Variants in DOCK9 observed in about 807,000 individuals in gnomAD.
DOCK9 encodes dedicator of cytokinesis 9.
In DOCK9, 89 loss-of-function variants were observed where a neutral mutation model predicts 263.3. The ratio of observed to expected loss-of-function variants is 0.34; its 90% CI spans 0.28 to 0.40. The LOEUF is 0.40. Ranked by LOEUF, DOCK9 falls within the 10% of genes least tolerant of loss-of-function variation. DOCK9 has a pLI of 1.00. For missense variants in DOCK9, 2,140 were observed against 2,603.4 expected, an observed-to-expected ratio of 0.82 and a Z score of 3.87; for synonymous variants, 976 against 973.1, an observed-to-expected ratio of 1.00 and a Z score of -0.06.
intron 49 of DOCK9, among the ~76,000 whole-genome samples, chr13:98,801,913 G>A (rs1230388113): frequency 6.6e-6 from 1 of 152,234 alleles, no homozygotes; most frequent in Non-Finnish European, 1.5e-5. Context: ...TTATAGGCCT[G>A]TTGCCTTTTC....
chr13:99,017,263 T>C (rs1885535400), intron 1 of DOCK9, among the ~76,000 whole-genome samples: 1 of 152,156 alleles, frequency 6.6e-6, no homozygotes, highest in South Asian at 2.1e-4. Flanking sequence ...GATAAACAAC[T>C]AGAAACTCAC....
intron 1 of DOCK9, among the ~76,000 whole-genome samples, chr13:99,017,301 A>G (rs1371827505): frequency 1.3e-5 from 2 of 152,382 alleles, no homozygotes; most frequent in East Asian, 3.9e-4. Context: ...ATTGGAGACT[A>G]TAAAACACTA....
At chr13:99,071,306 C>CCTTT (rs1286343497) in intron 1 of DOCK9, among the ~76,000 whole-genome samples, 5 of 49,330 alleles carry the variant, frequency 1.0e-4, no homozygotes, top group Admixed American at 8.2e-4. Flanking sequence ...CCATGCCTGG[C>CCTTT]TTTTTTTTTT....
chr13:99,049,382 G>A (rs772643790), intron 1 of DOCK9, among the ~76,000 whole-genome samples: 76 of 152,050 alleles, frequency 5.0e-4, no homozygotes, highest in Non-Finnish European at 5.9e-4. Flanking sequence ...ATGGAGTAAG[G>A]ACATCTTAGA....
At chr13:99,031,023 A>T (rs576448328) in intron 1 of DOCK9, among the ~76,000 whole-genome samples, 1 of 152,322 alleles carries the variant, frequency 6.6e-6, no homozygotes, top group South Asian at 2.1e-4. Flanking sequence ...ATATTTTAAG[A>T]AGATTTTTCT....
At chr13:99,046,211 G>T (rs905126834) in intron 1 of DOCK9, among the ~76,000 whole-genome samples, 2 of 152,190 alleles carry the variant, frequency 1.3e-5, no homozygotes, top group African/African-American at 4.8e-5. Context: ...CTGAGCCCAG[G>T]CTCAGCACGG....
At chr13:99,078,464 G>A (rs1216471050) in intron 1 of DOCK9, among the ~76,000 whole-genome samples, 2 of 152,196 alleles carry the variant, frequency 1.3e-5, no homozygotes, top group Admixed American at 6.5e-5. Flanking sequence ...TATGGGGTGA[G>A]CCCTGAGAGG....
chr13:98,982,434 T>C (rs913782798), upstream of DOCK9, among the ~76,000 whole-genome samples: 7 of 152,218 alleles, frequency 4.6e-5, no homozygotes, highest in Non-Finnish European at 1.0e-4. Flanking sequence ...CCAGAATGAA[T>C]TGGCTCCTTC....
intron 1 of DOCK9, among the ~76,000 whole-genome samples, chr13:98,992,262 C>T (rs973993677): frequency 6.6e-6 from 1 of 152,108 alleles, no homozygotes; most frequent in African/African-American, 2.4e-5. Context: ...ATGTCAGGAT[C>T]ATTTAGAGAG....
Position 98,853,458 on chromosome 13 carries a change from A to G in DOCK9, c.3896T>C (p.Ile1299Thr). 6.2e-7 allele frequency: 1 copy of G among 1,613,832 alleles called. No homozygotes were observed. The highest frequency in any genetic ancestry group is 8.5e-7 in the Non-Finnish European group (1 of 1,179,828). Reference sequence around the variant, plus strand: ...GAGGAAACACATCAGTAGGCTCTTAATCTCAGACTGGTCAAGTTTATCACA... The same window carrying G: ...GAGGAAACACATCAGTAGGCTCTTAGTCTCAGACTGGTCAAGTTTATCACA... ...VRCDKLDQSE[I>T]KSLLMCFLYI... The change falls in exon 35 of 53, where the codon ATT becomes ACT. Residue 1299 changes from isoleucine to threonine, a missense_variant. Physicochemically the swap from Ile to Thr is moderately conservative, Grantham distance 89. Transcript: ENST00000682017.
chr13:98,989,500 C>T (rs1879320473), intron 1 of DOCK9, among the ~76,000 whole-genome samples: 1 of 152,070 alleles, frequency 6.6e-6, no homozygotes, highest in African/African-American at 2.4e-5. Flanking sequence ...TTTACCCACC[C>T]ATGTTTCGGA....
chr13:99,050,622 G>A (rs1322630158), intron 1 of DOCK9, among the ~76,000 whole-genome samples: 1 of 152,176 alleles, frequency 6.6e-6, no homozygotes, highest in African/African-American at 2.4e-5. Flanking sequence ...GAATGCTGGA[G>A]GGGGAGGTTG....
At chr13:99,011,670 T>C (rs767037882) in intron 1 of DOCK9, among the ~76,000 whole-genome samples, 124 of 152,332 alleles carry the variant, frequency 8.1e-4, no homozygotes, top group Non-Finnish European at 1.1e-3. Flanking sequence ...AATAGCCCTA[T>C]GAGGCAAGTA....
chr13:98,981,402 T>C (rs1877169004), upstream of DOCK9, among the ~76,000 whole-genome samples: 2 of 152,178 alleles, frequency 1.3e-5, no homozygotes, highest in African/African-American at 4.8e-5. Context: ...CAGATTTATG[T>C]AAAGGGGGAC....
intron 52 of DOCK9, chr13:98,796,072 A>G: frequency 1.5e-6 from 1 of 648,038 alleles, no homozygotes; most frequent in Admixed American, 2.6e-5. Flanking sequence ...ACTTTTTAAA[A>G]TGTCCAGAAG....
chr13:99,058,558 C>T (rs905274202), intron 1 of DOCK9, among the ~76,000 whole-genome samples: 1 of 152,118 alleles, frequency 6.6e-6, no homozygotes, highest in African/African-American at 2.4e-5. Context: ...GGTCCCAGGA[C>T]CCCCTGCCCT....
Position 98,884,981 on chromosome 13 carries a change from C to G in DOCK9, c.2372G>C (p.Gly791Ala), listed in dbSNP as rs755722857. Residue 791 changes from glycine to alanine, a missense_variant, in exon 21 of 53, where the codon GGG (glycine) becomes GCG (alanine). Physicochemically the swap from Gly to Ala is moderately conservative, Grantham distance 60. Coordinates refer to ENST00000682017, the MANE Select transcript of DOCK9 (RefSeq NM_001366683.2). ...PSGYLGYQEL[G>A]MGRHYGPEIK... ...TAAAATGGGACATACCCTGCCCATC[C>G]CAAGCTCCTGGTAGCCAAGATAGCC... 6.2e-7 allele frequency: 1 copy of G among 1,613,348 alleles called. No individual in the cohort carries two copies. Among genetic ancestry groups the G allele is most frequent in the South Asian group, 1.1e-5 (1 of 90,890 alleles).
At chr13:98,806,172 GACAGCTGAGATTAGATGCA>G (rs909390161) in intron 48 of DOCK9, among the ~76,000 whole-genome samples, 3 of 152,198 alleles carry the variant, frequency 2.0e-5, no homozygotes, top group Admixed American at 1.3e-4. Flanking sequence ...TTAATCTACA[GACAGCTGAGATTAGATGCA>G]ACAGCTGCAG....
chr13:98,843,117 G>A (rs1156970853), intron 38 of DOCK9, among the ~76,000 whole-genome samples: 1 of 152,072 alleles, frequency 6.6e-6, no homozygotes, highest in Non-Finnish European at 1.5e-5. Context: ...CTACTCTACA[G>A]AAATAGCGGA....
Sources: allele counts gnomAD v4.1 joint callset (sites outside exome capture counted in the v4.1 genomes callset), GRCh38; gene constraint gnomAD v4.1.1; transcripts MANE v1.5; gene names NCBI Gene and HGNC (gene_info 2026-07-23, HGNC 2026-07-21).